The following SCN1A variants were observed in gnomAD, a reference collection of about 807,000 sequenced individuals.
SCN1A encodes the protein sodium voltage-gated channel alpha subunit 1.
A neutral mutation model predicts 193.7 loss-of-function variants in SCN1A; 13 were observed. That is an observed-to-expected ratio of 0.07 (90% CI 0.04 to 0.11). The LOEUF (loss-of-function observed/expected upper bound fraction) is 0.11. Among genes scored for constraint, SCN1A ranks in the 10% least tolerant of loss-of-function variants. SCN1A has a pLI of 1.00. For synonymous variants in SCN1A, 781 were observed against 843.6 expected (o/e 0.93, Z 1.29); for missense variants, 1,432 against 2,451.1 (o/e 0.58, Z 8.78).
upstream of SCN1A, among the ~76,000 whole-genome samples, chr2:166,129,177 T>C (rs1691531534): frequency 6.6e-6 from 1 of 152,160 alleles, no homozygotes; most frequent in Non-Finnish European, 1.5e-5. Flanking sequence ...TTGAGAACAC[T>C]GAAGCTTTCT....
intron 15 of SCN1A, 81 bp from the exon 16 acceptor site, chr2:166,041,550 AT>A (rs1697195691): frequency 1.2e-5 from 11 of 941,756 alleles, no homozygotes; most frequent in Non-Finnish European, 1.8e-5. Context: ...CACTAAACTT[AT>A]TTTCAGTAAT....
chr2:166,099,466 C>T (rs1203591133), intron 2 of SCN1A, among the ~76,000 whole-genome samples: 2 of 82,992 alleles, frequency 2.4e-5, no homozygotes, highest in Non-Finnish European at 5.6e-5. Context: ...CAGGGATGCC[C>T]TCTCTCACCA....
intron 25 of SCN1A, 65 bp from the exon 26 acceptor site, chr2:165,998,240 CT>C: frequency 7.4e-7 from 1 of 1,353,782 alleles, no homozygotes. Context: ...GTCACTGGTG[CT>C]TTTTCATAAC....
intron 19 of SCN1A, among the ~76,000 whole-genome samples, chr2:166,031,026 C>T (rs1695486177): frequency 6.6e-6 from 1 of 151,862 alleles, no homozygotes; most frequent in Admixed American, 6.6e-5. Context: ...ATCATTATTC[C>T]TACTATGGCA....
intron 19 of SCN1A, among the ~76,000 whole-genome samples, chr2:166,026,830 C>A (rs1694848398): frequency 1.3e-5 from 2 of 151,634 alleles, no homozygotes; most frequent in African/African-American, 2.4e-5. Flanking sequence ...ACTACAGGTG[C>A]CCACCACTGC....
chr2:166,074,818 T>C (rs934294822), intron 3 of SCN1A, among the ~76,000 whole-genome samples: 1 of 152,180 alleles, frequency 6.6e-6, no homozygotes, highest in Non-Finnish European at 1.5e-5. Context: ...GCAGGCATAA[T>C]TATTTTGTGA....
chr2:166,043,185 A>G (rs1553544232), intron 14 of SCN1A, among the ~76,000 whole-genome samples: 1 of 152,230 alleles, frequency 6.6e-6, no homozygotes, highest in Non-Finnish European at 1.5e-5. Flanking sequence ...CTATATCAGC[A>G]TTTTTTAGTA....
chr2:166,052,984 C>T, intron 7 of SCN1A, 41 bp from the exon 8 acceptor site: 1 of 1,538,964 alleles, frequency 6.5e-7, no homozygotes, highest in Non-Finnish European at 9.0e-7. Context: ...AAACAGGACA[C>T]AAAGAAAAAG....
At chr2:166,129,787 G>T (rs1338018029), upstream of SCN1A, among the ~76,000 whole-genome samples, 3 of 152,124 alleles carry the variant, frequency 2.0e-5, no homozygotes, top group African/African-American at 7.2e-5. Context: ...AATTCTAATT[G>T]CATATTATAG....
chr2:166,076,245 G>T (rs1185892474), intron 3 of SCN1A, among the ~76,000 whole-genome samples: 1 of 151,784 alleles, frequency 6.6e-6, no homozygotes, highest in African/African-American at 2.4e-5. Flanking sequence ...GTAGGAAAAA[G>T]GATATAAAAT....
Position 165,992,486 on chromosome 2 carries a change from T to C in SCN1A, c.4853-64A>G, listed in dbSNP as rs539540209. The C allele has an allele frequency of 6.3e-7, 1 of 1,590,860 alleles. No individual in the cohort carries two copies. Among genetic ancestry groups the C allele is most frequent in the East Asian group, 2.2e-5 (1 of 44,612 alleles). ...TCATGCGTTAAAATAAACATATGTT[T>C]CTTCTAAAGCTCCAAGGTAAGGTTC... On this transcript the variant is annotated intron_variant, in intron 28 of 28. Coordinates refer to ENST00000674923, the MANE Select transcript of SCN1A (RefSeq NM_001165963.4). This position sits in a 1 kb window ranked among gnomAD's most constrained non-coding sequence, Gnocchi z 6.5.
chr2:166,128,964 G>A (rs926908603), upstream of SCN1A, among the ~76,000 whole-genome samples: 1 of 151,964 alleles, frequency 6.6e-6, no homozygotes, highest in Admixed American at 6.6e-5. Context: ...ATAAAATCAC[G>A]ATTATGTGTA....
In SCN1A at chr2:165,989,059, TGTGTGTGTGCGCGCGC is replaced by T. The variant is rs201717606; in HGVS notation, c.*2170_*2185del. On this transcript the variant is annotated 3_prime_UTR_variant, in exon 29 of 29. Transcript: ENST00000674923. Reference sequence around the variant, plus strand: ...GTGTGTGTGTGTGTGTGTGTGTGTGTGTGTGTGTGCGCGCGCGCTCCCCTTCTCCCCCAATTTGTAA... The same window carrying T: ...GTGTGTGTGTGTGTGTGTGTGTGTGTGCTCCCCTTCTCCCCCAATTTGTAA... The T allele has an allele frequency of 0.019, 2,159 of 115,148 alleles. 161 individuals carry two copies. Among genetic ancestry groups the T allele is most frequent in the East Asian group, 0.16 (572 of 3,480 alleles). 7.1% of individuals were successfully genotyped at this position (115,148 alleles called of 1,614,324 possible).
At chr2:166,099,085 C>A (rs1479258239) in intron 2 of SCN1A, among the ~76,000 whole-genome samples, 1 of 152,120 alleles carries the variant, frequency 6.6e-6, no homozygotes, top group Non-Finnish European at 1.5e-5. Context: ...ATGTCTGAGG[C>A]ATCACACCAC....
At chr2:166,063,670 C>T (rs1683551430) in intron 4 of SCN1A, among the ~76,000 whole-genome samples, 1 of 151,916 alleles carries the variant, frequency 6.6e-6, no homozygotes, top group Non-Finnish European at 1.5e-5. Flanking sequence ...AGCTACAAAT[C>T]TGAGCTACAG....
chr2:166,005,130 A>C (rs968201105), intron 23 of SCN1A, among the ~76,000 whole-genome samples: 5 of 151,378 alleles, frequency 3.3e-5, no homozygotes, highest in Non-Finnish European at 4.4e-5. Flanking sequence ...ATCCTGACAG[A>C]TTGTAAGATT....
intron 2 of SCN1A, among the ~76,000 whole-genome samples, chr2:166,088,947 A>G (rs892459373): frequency 6.6e-6 from 1 of 152,208 alleles, no homozygotes; most frequent in Admixed American, 6.5e-5. Context: ...TGCCAGAAAA[A>G]ATACATGCCA....
At chr2:166,039,725 C>T (rs1157221931) in intron 16 of SCN1A, 129 bp from the exon 17 acceptor site, 5 of 806,986 alleles carry the variant, frequency 6.2e-6, no homozygotes, top group South Asian at 5.0e-5. Flanking sequence ...ATTTGTATGG[C>T]AATTTGTAGT....
At chr2:166,124,889 A>C (rs1287114202) in intron 2 of SCN1A, among the ~76,000 whole-genome samples, 2 of 152,210 alleles carry the variant, frequency 1.3e-5, no homozygotes, top group African/African-American at 4.8e-5. Flanking sequence ...CATAGGATTA[A>C]ATGAGATCAT....
Sources: gnomAD v4.1 joint callset for allele counts (sites outside exome capture counted in the v4.1 genomes callset) on GRCh38, gnomAD v4.1.1 for gene constraint, Gnocchi (gnomAD v3.1) non-coding constraint, MANE v1.5 for transcripts, NCBI Gene and HGNC (gene_info 2026-07-23, HGNC 2026-07-21) for gene names.